The following CENPX variants were observed in gnomAD, a reference collection of about 807,000 sequenced individuals.
The protein encoded by CENPX is FANCM associated histone fold protein 2.
A neutral mutation model predicts 13.2 loss-of-function variants in CENPX; 13 were observed. The ratio of observed to expected loss-of-function variants is 0.98; its 90% confidence interval spans 0.64 to 1.56. CENPX has a LOEUF of 1.56. Ranked by LOEUF, CENPX falls within the 40% of genes most tolerant of loss-of-function variation. The pLI, the probability that CENPX is intolerant of heterozygous loss-of-function variation, is 0.00. For missense variants in CENPX, 138 were observed against 107.5 expected (o/e 1.28, Z -1.26); for synonymous variants, 66 against 47.2 (o/e 1.40, Z -1.63).
At chr17:82,019,539 TA>T (rs1328330793) in intron 3 of CENPX, 101 bp downstream of exon 3, 1 of 1,543,692 alleles carries the variant, frequency 6.5e-7, no homozygotes, top group Non-Finnish European at 8.7e-7. Context: ...GACCCAAGTT[TA>T]GGCCCTTGTG....
At chr17:82,019,245 C>T (rs201713012) in intron 4 of CENPX, 26 bp from the exon 5 acceptor site, 6 of 1,596,406 alleles carry the variant, frequency 3.8e-6, no homozygotes, top group Non-Finnish European at 2.6e-6. Context: ...GCACTTAGGG[C>T]CAGCCAGCCG....
chr17:82,022,530 C>T, intron 1 of CENPX: 1 of 541,446 alleles, frequency 1.8e-6, no homozygotes, highest in Non-Finnish European at 3.3e-6. Flanking sequence ...CCCAGCTCCT[C>T]CTCTCTCTTC....
intron 1 of CENPX, 109 bp downstream of exon 1, chr17:82,022,717 C>CA: frequency 7.4e-7 from 1 of 1,358,192 alleles, no homozygotes; most frequent in Non-Finnish European, 1.0e-6. Context: ...GGCCCAACCT[C>CA]AAAGGCACAG....
rs1284008270 is a variant in CENPX at position 82,019,373 on chromosome 17, CT to C, written c.150del (p.Val51SerfsTer38). 1 of 1,550,814 alleles carries C rather than the reference CT, an allele frequency of 6.4e-7. No homozygotes were observed. The highest frequency in any genetic ancestry group is 1.9e-5 in the Admixed American group (1 of 51,282). On this transcript the variant is annotated frameshift_variant, in exon 4 of 5. Transcript: ENST00000392359. LOFTEE classifies it high-confidence loss of function. ...GCCTGGGCCTGCCGCACGCCGCGGA[CT>C]GCTGCTTCTGCGGTGAGAAACGCGA... Reference protein sequence around the residue: ...ELLKVFVVEAAVRGVRQAQAE... With the variant: ...ELLKVFVVEAXVRGVRQAQAE...
chr17:82,021,300 A>G (rs2043277410), intron 1 of CENPX, among the ~76,000 whole-genome samples: 1 of 152,206 alleles, frequency 6.6e-6, no homozygotes, highest in South Asian at 2.1e-4. Flanking sequence ...CACCACCCGC[A>G]TGAGCCCAGT....
At chr17:82,020,539 C>T (rs755069585) in intron 1 of CENPX, among the ~76,000 whole-genome samples, 11 of 152,130 alleles carry the variant, frequency 7.2e-5, no homozygotes, top group Non-Finnish European at 1.3e-4. Flanking sequence ...GTGGGCCAGA[C>T]GCTGAGGGCC....
intron 1 of CENPX, 47 bp from the exon 2 acceptor site, chr17:82,019,956 C>T (rs1351778489): frequency 7.0e-7 from 1 of 1,429,796 alleles, no homozygotes; most frequent in East Asian, 2.4e-5. Context: ...CTCCCCCCCG[C>T]ACCCCCCAGG....
In CENPX at chr17:82,019,143, C is replaced by T. The variant is rs1197138141; in HGVS notation, c.*62G>A. The T allele has an allele frequency of 6.7e-7, 1 of 1,503,000 alleles. No homozygotes were observed. Among genetic ancestry groups the T allele is most frequent in the Admixed American group, 2.4e-5 (1 of 42,410 alleles). 93.1% of individuals were successfully genotyped at this position (1,503,000 alleles called of 1,614,324 possible). ...CTCTTATCAGAGGCCGCTGGAAACA[C>T]AAGGCCTGCTTCTGTGGACCAGGGG... is the stretch of plus-strand genomic sequence containing the variant. On this transcript the variant is annotated 3_prime_UTR_variant, in exon 5 of 5. Transcript: ENST00000392359.
At chr17:82,020,125 C>G (rs745447532) in intron 1 of CENPX, among the ~76,000 whole-genome samples, 2 of 152,196 alleles carry the variant, frequency 1.3e-5, no homozygotes, top group Non-Finnish European at 2.9e-5. Flanking sequence ...CGCCAGGGCC[C>G]TGCACAGGGT....
intron 3 of CENPX, 90 bp from the exon 4 acceptor site, chr17:82,019,471 C>T: frequency 6.6e-7 from 1 of 1,510,486 alleles, no homozygotes; most frequent in African/African-American, 1.4e-5. Context: ...GTGCCCCCCC[C>T]AACACCCACG....
chr17:82,019,923 G>C lies in CENPX; in HGVS notation c.37-14C>G, dbSNP rs770656887. 2 of 1,577,926 alleles carry C rather than the reference G, an allele frequency of 1.3e-6. No homozygotes were observed. Among genetic ancestry groups the C allele is most frequent in the Admixed American group, 3.5e-5 (2 of 57,880 alleles). ...GCTCACCAGCTCCTAGAAGGGAGGGGGGTGTCAGCGCCACGCCCCGCCCTC... is the reference window on the plus strand; with the variant it reads ...GCTCACCAGCTCCTAGAAGGGAGGGCGGTGTCAGCGCCACGCCCCGCCCTC... On this transcript the variant is annotated splice_polypyrimidine_tract_variant and intron_variant, in intron 1 of 4. Coordinates refer to ENST00000392359, the MANE Select transcript of CENPX (RefSeq NM_001271006.2).
At chr17:82,022,275 TCA>T (rs1208199141) in intron 1 of CENPX, among the ~76,000 whole-genome samples, 1 of 152,166 alleles carries the variant, frequency 6.6e-6, no homozygotes. Context: ...CCCCCGTGCC[TCA>T]GTTTCTCCAC....
rs558252199 is a variant in CENPX, at chr17:82,019,305, C to T, written c.219G>A (p.Val73=). The T allele has an allele frequency of 3.1e-5, 49 of 1,593,160 alleles. No individual in the cohort carries two copies. The highest frequency in any genetic ancestry group is 3.9e-5 in the Non-Finnish European group (46 of 1,170,748). ...LRVDVDQLEK[V]LPQLLLDF is the part of the protein sequence containing the mutation. ...CACGCTCACGCACCAGCTGCGGAAG[C>T]ACCTTCTCCAGCTGGTCCACGTCCA... Residue 73 remains valine (V), a synonymous_variant, in exon 4 of 5, where the codon GTG becomes GTA. Coordinates refer to ENST00000392359, the MANE Select transcript of CENPX (RefSeq NM_001271006.2).
rs761218546 is a variant in CENPX at position 82,019,394 on chromosome 17, A to G, written c.143-13T>C. ...CGGACTGCTGCTTCTGCGGTGAGAA[A>G]CGCGAGAGGTGGGGGATGCTGGGGG... On this transcript the variant is annotated splice_polypyrimidine_tract_variant and intron_variant, in intron 3 of 4. Transcript: ENST00000392359. The G allele has an allele frequency of 3.9e-6, 6 of 1,540,240 alleles. No homozygotes were observed. The Admixed American group carries it at 1.2e-4, about 30-fold the overall frequency.
At chr17:82,020,961 C>G (rs1379720746) in intron 1 of CENPX, among the ~76,000 whole-genome samples, 6 of 152,128 alleles carry the variant, frequency 3.9e-5, no homozygotes, top group Non-Finnish European at 8.8e-5. Context: ...CCAGGCCAGG[C>G]ACCGGCCCAC....
intron 1 of CENPX, among the ~76,000 whole-genome samples, chr17:82,021,890 C>G (rs1266919933): frequency 1.3e-5 from 2 of 152,232 alleles, no homozygotes; most frequent in African/African-American, 4.8e-5. Flanking sequence ...CACCGACACC[C>G]CCCGCCCCCC....
chr17:82,019,925 G>A lies in CENPX; in HGVS notation c.37-16C>T, dbSNP rs757109976. 30 of 1,576,268 alleles carry A rather than the reference G, an allele frequency of 1.9e-5. No homozygotes were observed. The highest frequency in any genetic ancestry group is 2.6e-5 in the Non-Finnish European group (30 of 1,156,464). ...TCACCAGCTCCTAGAAGGGAGGGGG[G>A]TGTCAGCGCCACGCCCCGCCCTCCC... On this transcript the variant is annotated splice_polypyrimidine_tract_variant and intron_variant, in intron 1 of 4. Transcript: ENST00000392359.
chr17:82,019,917 G>A lies in CENPX; in HGVS notation c.37-8C>T. 1 of 1,584,682 alleles carries A rather than the reference G, an allele frequency of 6.3e-7. No homozygotes were observed. Among genetic ancestry groups the A allele is most frequent in the Non-Finnish European group, 8.6e-7 (1 of 1,160,838 alleles). ...CAGCCTGCTCACCAGCTCCTAGAAG[G>A]GAGGGGGGTGTCAGCGCCACGCCCC... On this transcript the variant is annotated splice_region_variant and splice_polypyrimidine_tract_variant and intron_variant, in intron 1 of 4. Transcript: ENST00000392359.
At position 82,019,120 on chromosome 17, in the gene CENPX, C is replaced by T. The variant is rs1361915968; in HGVS notation, c.*85G>A. Reference sequence around the variant, plus strand: ...AAATCCTTCAGGTCCTTCCCTGCCTCTTATCAGAGGCCGCTGGAAACACAA... The same window carrying T: ...AAATCCTTCAGGTCCTTCCCTGCCTTTTATCAGAGGCCGCTGGAAACACAA... On this transcript the variant is annotated 3_prime_UTR_variant, in exon 5 of 5. Coordinates refer to ENST00000392359, the MANE Select transcript of CENPX (RefSeq NM_001271006.2). The T allele has an allele frequency of 6.7e-7, 1 of 1,482,912 alleles. No homozygotes were observed. The highest frequency in any genetic ancestry group is 9.0e-7 in the Non-Finnish European group (1 of 1,115,694). 91.9% of individuals were successfully genotyped at this position (1,482,912 alleles called of 1,614,324 possible).
Sources: gnomAD v4.1 joint callset for allele counts (sites outside exome capture counted in the v4.1 genomes callset) on GRCh38, gnomAD v4.1.1 for gene constraint, MANE v1.5 for transcripts, NCBI Gene and HGNC (gene_info 2026-07-23, HGNC 2026-07-21) for gene names.